Variants in ABCA13 observed in about 807,000 individuals in gnomAD.
The protein encoded by ABCA13 is ATP binding cassette subfamily A member 13, also known as ATP-binding cassette sub-family A member 13.
ABCA13 carries 476 observed loss-of-function variants against 478.7 expected under a neutral mutation model. That is an observed-to-expected ratio of 0.99 (90% confidence interval 0.92 to 1.07). The LOEUF is 1.07. Ranked by LOEUF, ABCA13 falls within the 50% of genes least tolerant of loss-of-function variation. The pLI is 0.00. For synonymous variants in ABCA13, 2,252 were observed against 2,158.9 expected (o/e 1.04, Z -1.20); for missense variants, 6,060 against 5,910.6 (o/e 1.03, Z -0.83).
chr7:48,225,693 G>A (rs1024300929), intron 5 of ABCA13, among the ~76,000 whole-genome samples: 3 of 152,160 alleles, frequency 2.0e-5, no homozygotes, highest in African/African-American at 7.2e-5. Flanking sequence ...ATGTCTGTTC[G>A]TGATTGCATT....
At chr7:48,382,294 A>G (rs543291072) in intron 35 of ABCA13, among the ~76,000 whole-genome samples, 1 of 152,234 alleles carries the variant, frequency 6.6e-6, no homozygotes, top group East Asian at 1.9e-4. Context: ...AAATAGACCA[A>G]ATAGACCATG....
chr7:48,229,452 T>G (rs992314452), intron 6 of ABCA13, among the ~76,000 whole-genome samples: 3 of 152,190 alleles, frequency 2.0e-5, no homozygotes, highest in African/African-American at 7.2e-5. Context: ...TCATTTGCTT[T>G]TCTAACATAG....
rs780416241 is a variant in ABCA13, at chr7:48,314,348, G to T, written c.9798G>T (p.Leu3266Phe). The T allele has an allele frequency of 2.5e-6, 4 of 1,611,486 alleles. No individual in the cohort carries two copies. The highest frequency in any genetic ancestry group is 1.6e-4 in the Middle Eastern group (1 of 6,062). The change falls in exon 26 of 62, where the codon TTG becomes TTT. Residue 3266 changes from leucine to phenylalanine, a missense_variant. Transcript: ENST00000435803. ...FLSDSNMFIN[L>F]PRVKELLEDD... ...GCGATTCTAATATGTTTATTAATTT[G>T]CCCAGAGTTAAGGAACTCTTGGAAG...
chr7:48,595,195 T>G (rs1464050079), intron 58 of ABCA13, among the ~76,000 whole-genome samples: 1 of 152,254 alleles, frequency 6.6e-6, no homozygotes, highest in African/African-American at 2.4e-5. Flanking sequence ...TAGAATTAGC[T>G]GAACTAAAAT....
chr7:48,268,997 C>T lies in ABCA13; in HGVS notation c.2023C>T (p.Pro675Ser). 6.3e-7 allele frequency: 1 copy of T among 1,582,172 alleles called. No individual in the cohort carries two copies. Among genetic ancestry groups the T allele is most frequent in the Non-Finnish European group, 8.7e-7 (1 of 1,154,474 alleles). ...TTATTTAGCTTTTCCTGAGGAATCTCCTTGTTTTGAAGAAAACATGGATTG... is the reference window on the plus strand; with the variant it reads ...TTATTTAGCTTTTCCTGAGGAATCTTCTTGTTTTGAAGAAAACATGGATTG... ...NRLLAFPEES[P>S]CFEENMDWKM... The change falls in exon 16 of 62, where the codon CCT (proline) becomes TCT (serine). Residue 675 changes from proline (P) to serine (S), a missense_variant. Pro to Ser is a moderately conservative substitution (Grantham distance 74, BLOSUM62 -1). Coordinates refer to ENST00000435803, the MANE Select transcript of ABCA13 (RefSeq NM_152701.5).
chr7:48,471,642 C>T (rs951138066), intron 45 of ABCA13, 43 bp downstream of exon 45: 1 of 1,500,634 alleles, frequency 6.7e-7, no homozygotes, highest in South Asian at 1.3e-5. Context: ...GTCTAAAATT[C>T]AAGTGACAAA....
intron 45 of ABCA13, among the ~76,000 whole-genome samples, chr7:48,479,025 G>T (rs1428883850): frequency 6.8e-6 from 1 of 148,136 alleles, no homozygotes; most frequent in African/African-American, 2.5e-5. Context: ...TTGGCTCACT[G>T]CAAGCTCCGC....
rs1270770220 is a variant in ABCA13, at chr7:48,276,298, A to G, written c.6632A>G (p.Asn2211Ser). 6.4e-7 allele frequency: 1 copy of G among 1,558,632 alleles called. No individual in the cohort carries two copies. The highest frequency in any genetic ancestry group is 8.7e-7 in the Non-Finnish European group (1 of 1,150,910). The change falls in exon 17 of 62, where the codon AAT becomes AGT. Residue 2211 changes from asparagine (N) to serine (S), a missense_variant. Asn to Ser is a conservative substitution (Grantham distance 46). Around this residue, in one of 3 missense-constraint regions of ABCA13, gnomAD observed 4,423 missense variants for 4,309.1 expected, o/e 1.03. Coordinates refer to ENST00000435803, the MANE Select transcript of ABCA13 (RefSeq NM_152701.5). ...CTGCTTTTTGAAAACATCCTAATTA[A>G]TTTGATCAATAACTTAGCTGGGAAT... Reference protein sequence around the residue: ...VQLLFENILINLINNLAGNSQ... With the variant: ...VQLLFENILISLINNLAGNSQ...
At chr7:48,383,361 A>G (rs191739372) in intron 35 of ABCA13, among the ~76,000 whole-genome samples, 78 of 152,266 alleles carry the variant, frequency 5.1e-4, no homozygotes, top group African/African-American at 1.8e-3. Context: ...GTGTGTGCAT[A>G]TGTATGTGGG....
intron 2 of ABCA13, 137 bp from the exon 3 acceptor site, chr7:48,198,100 C>T: frequency 1.1e-6 from 1 of 873,382 alleles, no homozygotes; most frequent in Non-Finnish European, 1.6e-6. Flanking sequence ...TTGTCTGAGC[C>T]CTTAGATCTC....
chr7:48,247,586 G>C (rs976665332), intron 13 of ABCA13, among the ~76,000 whole-genome samples: 4 of 152,058 alleles, frequency 2.6e-5, no homozygotes, highest in African/African-American at 7.2e-5. Context: ...TTCTTCTGAT[G>C]GTCTTACTGG....
intron 43 of ABCA13, among the ~76,000 whole-genome samples, chr7:48,458,446 G>T (rs1453062374): frequency 4.6e-5 from 7 of 152,172 alleles, no homozygotes; most frequent in East Asian, 1.9e-4. Flanking sequence ...GTAACTCCCT[G>T]TTGATAGATG....
chr7:48,515,846 T>C (rs1211133236), intron 51 of ABCA13, among the ~76,000 whole-genome samples: 2 of 152,160 alleles, frequency 1.3e-5, no homozygotes, highest in African/African-American at 4.8e-5. Flanking sequence ...ATTCTCAATA[T>C]AATGAATAAG....
chr7:48,392,933 TG>T (rs1260807683), intron 38 of ABCA13, among the ~76,000 whole-genome samples: 1 of 152,120 alleles, frequency 6.6e-6, no homozygotes, highest in Non-Finnish European at 1.5e-5. Context: ...TTGGTCCACA[TG>T]GGGGGCTGAA....
chr7:48,434,757 GA>G lies in ABCA13; in HGVS notation c.12565+6889del, dbSNP rs1822602087. On this transcript the variant is annotated intron_variant, in intron 42 of 61. Transcript: ENST00000435803. Reference sequence around the variant, plus strand: ...TCCAGTATTCCCCACATCAGTTATGGAAATGACTTTTTCTCACTGAATGGTT... The same window carrying G: ...TCCAGTATTCCCCACATCAGTTATGGAATGACTTTTTCTCACTGAATGGTT... Among the ~76,000 whole-genome samples, 3 of 151,814 alleles carry G rather than the reference GA, an allele frequency of 2.0e-5. 1 individual carries two copies. The highest frequency in any genetic ancestry group is 7.2e-5 in the African/African-American group (3 of 41,398).
intron 43 of ABCA13, among the ~76,000 whole-genome samples, chr7:48,456,006 C>A (rs554613062): frequency 6.7e-6 from 1 of 149,638 alleles, no homozygotes; most frequent in East Asian, 2.1e-4. Context: ...CAGGGAGGCC[C>A]GGCCCTTGCC....
chr7:48,578,777 A>G (rs1012530879), intron 55 of ABCA13, among the ~76,000 whole-genome samples: 1 of 152,212 alleles, frequency 6.6e-6, no homozygotes, highest in Admixed American at 6.5e-5. Context: ...GAAGACTGAC[A>G]TTACCTGACT....
intron 15 of ABCA13, among the ~76,000 whole-genome samples, chr7:48,257,596 A>G (rs1449756783): frequency 2.0e-5 from 3 of 152,146 alleles, no homozygotes; most frequent in Non-Finnish European, 4.4e-5. Flanking sequence ...TTATGTGATA[A>G]ATCACATTTA....
intron 35 of ABCA13, among the ~76,000 whole-genome samples, chr7:48,381,615 G>C (rs757790864): frequency 2.0e-5 from 3 of 152,070 alleles, no homozygotes; most frequent in Non-Finnish European, 4.4e-5. Context: ...TGGTCCTCTC[G>C]AAGAGTTTTC....
Sources: allele counts gnomAD v4.1 joint callset (sites outside exome capture counted in the v4.1 genomes callset), GRCh38; gene constraint gnomAD v4.1.1; regional missense constraint gnomAD v4.1.1; transcripts MANE v1.5; gene names NCBI Gene and HGNC (gene_info 2026-07-23, HGNC 2026-07-21).